Variants in TSC22D1 observed in about 807,000 individuals in gnomAD.
TSC22D1 encodes TSC22 domain family member 1.
A neutral mutation model predicts 74.2 loss-of-function variants in TSC22D1; 9 were observed. The observed-to-expected ratio is 0.12, with a 90% CI of 0.07 to 0.21. TSC22D1 has a LOEUF of 0.21. Among genes scored for constraint, TSC22D1 ranks in the 10% least tolerant of loss-of-function variants. TSC22D1 has a pLI of 1.00. For synonymous variants in TSC22D1, 586 were observed against 492.5 expected (o/e 1.19, Z -2.51); for missense variants, 1,427 against 1,304.7 (o/e 1.09, Z -1.44).
chr13:44,447,544 T>C (rs574964574), intron 1 of TSC22D1, among the ~76,000 whole-genome samples: 1 of 152,266 alleles, frequency 6.6e-6, no homozygotes, highest in East Asian at 1.9e-4. Flanking sequence ...GTTAAAAGAT[T>C]TGTAAAAATT....
intron 1 of TSC22D1, among the ~76,000 whole-genome samples, chr13:44,519,941 A>T (rs1408737592): frequency 6.6e-6 from 1 of 152,186 alleles, no homozygotes; most frequent in East Asian, 1.9e-4. Flanking sequence ...CAGCATACAT[A>T]ACTGAACACA....
chr13:44,539,475 C>T (rs1282235742), intron 1 of TSC22D1: 7 of 985,150 alleles, frequency 7.1e-6, no homozygotes, highest in Non-Finnish European at 8.4e-6. Context: ...CCACTAATAC[C>T]ACAAAGGCCA....
rs199945029 is a variant in TSC22D1, at chr13:44,567,023, G to GA, written c.2912+6139dup. Among the ~76,000 whole-genome samples the GA allele has an allele frequency of 2.5e-3, 375 of 150,334 alleles. 6 individuals carry two copies. The highest frequency in any genetic ancestry group is 0.014 in the Admixed American group (213 of 15,126). On this transcript the variant is annotated intron_variant, in intron 1 of 2. Coordinates refer to ENST00000458659, the MANE Select transcript of TSC22D1 (RefSeq NM_183422.4). Reference sequence around the variant, plus strand: ...CCCAACTGTCCCTCCCTAATCCCAAGAAAAAAAAAGGAATATTGTCTGAAG... The same window carrying GA: ...CCCAACTGTCCCTCCCTAATCCCAAGAAAAAAAAAAGGAATATTGTCTGAAG...
intron 1 of TSC22D1, among the ~76,000 whole-genome samples, chr13:44,562,223 T>C (rs1454460962): frequency 6.6e-6 from 1 of 152,082 alleles, no homozygotes; most frequent in Non-Finnish European, 1.5e-5. Flanking sequence ...TGTATTTTTT[T>C]TGTAGAGATA....
chr13:44,435,065 G>A, intron 2 of TSC22D1, 182 bp from the exon 3 acceptor site: 1 of 584,424 alleles, frequency 1.7e-6, no homozygotes, highest in South Asian at 2.2e-5. Flanking sequence ...TGAGTTTAAC[G>A]TATAAATGAT....
chr13:44,492,354 C>G (rs1188018855), intron 1 of TSC22D1, among the ~76,000 whole-genome samples: 2 of 152,094 alleles, frequency 1.3e-5, no homozygotes, highest in Non-Finnish European at 2.9e-5. Context: ...AGTGAAAAAA[C>G]AGAATGGCTG....
intron 1 of TSC22D1, among the ~76,000 whole-genome samples, chr13:44,513,867 T>A (rs1317800333): frequency 6.6e-6 from 1 of 152,196 alleles, no homozygotes; most frequent in South Asian, 2.1e-4. Flanking sequence ...TAAGCACAAA[T>A]AACCTCAGAC....
At chr13:44,454,562 T>TTTACTATG (rs57952687) in intron 1 of TSC22D1, among the ~76,000 whole-genome samples, 15,033 of 152,120 alleles carry the variant, frequency 0.099, 766 homozygotes, top group Non-Finnish European at 0.1. Flanking sequence ...AGTTACTATA[T>TTTACTATG]TTACTATGTT....
intron 1 of TSC22D1, chr13:44,436,998 C>T (rs1158991830): frequency 2.0e-6 from 2 of 982,108 alleles, no homozygotes; most frequent in Non-Finnish European, 2.4e-6. Context: ...CCCACCTCCG[C>T]CCCCATTCTC....
chr13:44,549,766 CAAAAAAAAAGAAAAAAAA>C (rs1284751878), intron 1 of TSC22D1, among the ~76,000 whole-genome samples: 204 of 79,556 alleles, frequency 2.6e-3, no homozygotes, highest in Non-Finnish European at 4.1e-3. Context: ...AACCCTGCCT[CAAAAAAAAAGAAAAAAAA>C]AAAAAAAAAG....
chr13:44,487,095 T>C (rs1227756996), intron 1 of TSC22D1, among the ~76,000 whole-genome samples: 1 of 152,144 alleles, frequency 6.6e-6, no homozygotes, highest in Admixed American at 6.5e-5. Flanking sequence ...GAAACTCTTG[T>C]ATAAAAACTT....
Position 44,562,633 on chromosome 13 carries a change from C to T in TSC22D1, c.2912+10530G>A, listed in dbSNP as rs113119594. 3.0e-4 allele frequency among the ~76,000 whole-genome samples: 45 copies of T among 152,222 alleles called. 1 individual carries two copies. Among genetic ancestry groups the T allele is most frequent in the African/African-American group, 1.1e-3 (45 of 41,526 alleles). Reference sequence around the variant, plus strand: ...CCTCCTCTCTACTGCCTGGAAGAGACTGACAATGGAAATCTGTTTAGTATG... The same window carrying T: ...CCTCCTCTCTACTGCCTGGAAGAGATTGACAATGGAAATCTGTTTAGTATG... On this transcript the variant is annotated intron_variant, in intron 1 of 2. Coordinates refer to ENST00000458659, the MANE Select transcript of TSC22D1 (RefSeq NM_183422.4).
intron 1 of TSC22D1, among the ~76,000 whole-genome samples, chr13:44,552,555 TAA>T (rs1882354576): frequency 6.6e-6 from 1 of 152,192 alleles, no homozygotes; most frequent in South Asian, 2.1e-4. Flanking sequence ...CAGGGCCAAT[TAA>T]AAGAGCCTGC....
chr13:44,447,562 T>TG (rs1263255265), intron 1 of TSC22D1, among the ~76,000 whole-genome samples: 2 of 152,118 alleles, frequency 1.3e-5, no homozygotes, highest in Admixed American at 1.3e-4. Context: ...ATTAAATACT[T>TG]GCTTTAAGTG....
Position 44,434,353 on chromosome 13 carries a change from AC to A in TSC22D1, c.*272del, listed in dbSNP as rs761904440. The stretch of plus-strand genomic sequence containing the variant: ...CACACAGCTCCTGAGCATGAATTAA[AC>A]CATTTCTCAGATATCTGCCAAGCTG... On this transcript the variant is annotated 3_prime_UTR_variant, in exon 3 of 3. Transcript: ENST00000458659. The A allele has an allele frequency of 2.2e-6, 3 of 1,371,910 alleles. No homozygotes were observed. The highest frequency in any genetic ancestry group is 2.8e-6 in the Non-Finnish European group (3 of 1,071,490). 85.0% of individuals were successfully genotyped at this position (1,371,910 alleles called of 1,614,324 possible). A position where few individuals can be genotyped will look rare whatever the true frequency, so the allele number is the denominator to read the frequency against.
chr13:44,458,439 T>C (rs1330096911), intron 1 of TSC22D1, among the ~76,000 whole-genome samples: 1 of 152,152 alleles, frequency 6.6e-6, no homozygotes, highest in East Asian at 1.9e-4. Flanking sequence ...CAGCAGCCCA[T>C]CTAGAGCAGC....
intron 1 of TSC22D1, among the ~76,000 whole-genome samples, chr13:44,492,596 G>A (rs1163218602): frequency 6.6e-6 from 1 of 152,098 alleles, no homozygotes; most frequent in Admixed American, 6.6e-5. Context: ...ATCTAGGTAA[G>A]CTGCTTTGGA....
chr13:44,435,194 C>G (rs944533672), intron 2 of TSC22D1: 4 of 245,380 alleles, frequency 1.6e-5, no homozygotes, highest in Non-Finnish European at 3.1e-5. Context: ...GCAGCGGGGA[C>G]GTCCAAGCCA....
At position 44,576,019 on chromosome 13, in the gene TSC22D1, G is replaced by T; in HGVS notation, c.56C>A (p.Ala19Asp). Residue 19 changes from alanine (A) to aspartate (D), a missense_variant, in exon 1 of 3, where the codon GCT (alanine) becomes GAT (aspartate). Coordinates refer to ENST00000458659, the MANE Select transcript of TSC22D1 (RefSeq NM_183422.4). ...CATTGCCGGGTGCGCCATCTTCCTA[G>T]CGCTAATGTCTGCAGCGGCGGCGGC... ...AAAAAAADIS[A>D]RKMAHPAMFP... 1 of 1,587,848 alleles carries T rather than the reference G, an allele frequency of 6.3e-7. No homozygotes were observed. Among genetic ancestry groups the T allele is most frequent in the East Asian group, 2.3e-5 (1 of 43,610 alleles).
Sources: allele counts gnomAD v4.1 joint callset (sites outside exome capture counted in the v4.1 genomes callset), GRCh38; gene constraint gnomAD v4.1.1; transcripts MANE v1.5; gene names NCBI Gene and HGNC (gene_info 2026-07-23, HGNC 2026-07-21).